C10orf67: variants seen among roughly 807,000 people sequenced by gnomAD.
C10orf67 encodes chromosome 10 open reading frame 67, also known as uncharacterized protein C10orf67, mitochondrial.
C10orf67 carries 60 observed loss-of-function variants against 35.6 expected under a neutral mutation model. That is an observed-to-expected ratio of 1.68 (90% CI 1.37 to 2.09). The LOEUF (loss-of-function observed/expected upper bound fraction) is 2.09. Among genes scored for constraint, C10orf67 ranks in the 30% most tolerant of loss-of-function variants. C10orf67 has a pLI of 0.00. For synonymous variants in C10orf67, 167 were observed against 115.8 expected (o/e 1.44, Z -2.84); for missense variants, 474 against 330.2 (o/e 1.44, Z -3.38).
intron 15 of C10orf67, among the ~76,000 whole-genome samples, chr10:23,214,256 A>C (rs1358472262): frequency 6.6e-6 from 1 of 152,196 alleles, no homozygotes; most frequent in Non-Finnish European, 1.5e-5. Context: ...AAAACATAAG[A>C]GATTAGGCAT....
At chr10:23,276,220 G>A (rs1198396449) in intron 8 of C10orf67, among the ~76,000 whole-genome samples, 1 of 152,114 alleles carries the variant, frequency 6.6e-6, no homozygotes, top group East Asian at 1.9e-4. Context: ...CTCTGAGGAG[G>A]GAAGGAACCT....
At chr10:23,318,128 C>T (rs972640287) in intron 4 of C10orf67, 1 of 117,108 alleles carries the variant, frequency 8.5e-6, no homozygotes, top group Non-Finnish European at 1.7e-5. Flanking sequence ...AAAAAAGACC[C>T]AAAAATAAAA....
intron 1 of C10orf67, among the ~76,000 whole-genome samples, chr10:23,336,298 C>T (rs919235482): frequency 1.3e-4 from 20 of 151,984 alleles, no homozygotes; most frequent in Non-Finnish European, 2.4e-4. Context: ...GGTATGAATG[C>T]GTACTTTTAT....
intron 12 of C10orf67, among the ~76,000 whole-genome samples, chr10:23,248,603 G>A (rs1842372912): frequency 6.6e-6 from 1 of 152,094 alleles, no homozygotes; most frequent in Admixed American, 6.5e-5. Context: ...TCTAATCTAG[G>A]ATCAGTTACA....
intron 8 of C10orf67, among the ~76,000 whole-genome samples, chr10:23,275,982 T>C (rs951342442): frequency 6.6e-6 from 1 of 152,206 alleles, no homozygotes; most frequent in African/African-American, 2.4e-5. Context: ...TTGGAGTTGA[T>C]ACATGAACTT....
chr10:23,305,333 A>G (rs984665384), intron 4 of C10orf67, among the ~76,000 whole-genome samples: 4 of 152,192 alleles, frequency 2.6e-5, no homozygotes, highest in Non-Finnish European at 4.4e-5. Context: ...ACAAAATTAG[A>G]AGTTTAATAA....
chr10:23,325,640 C>T (rs1473955355), intron 2 of C10orf67, among the ~76,000 whole-genome samples: 1 of 148,718 alleles, frequency 6.7e-6, no homozygotes, highest in Admixed American at 6.7e-5. Context: ...ATAACATCCA[C>T]ACTGTCCACA....
rs1842918074 is a variant in C10orf67, at chr10:23,267,588, A to T, written c.976-334T>A. On this transcript the variant is annotated intron_variant, in intron 8 of 15. Coordinates refer to ENST00000636213, the MANE Select transcript of C10orf67 (RefSeq NM_001371909.1). Reference sequence around the variant, plus strand: ...TGATACATTAGTATAACAGCTATAAATACTAGGCCTTATTCTTAATATAAG... The same window carrying T: ...TGATACATTAGTATAACAGCTATAATTACTAGGCCTTATTCTTAATATAAG... Among the ~76,000 whole-genome samples, 5 of 152,224 alleles carry T rather than the reference A, an allele frequency of 3.3e-5. No homozygotes were observed. In the South Asian group the frequency reaches 1.0e-3, roughly 32 times the overall value.
chr10:23,263,364 T>C (rs1177634168), intron 10 of C10orf67, among the ~76,000 whole-genome samples: 1 of 152,212 alleles, frequency 6.6e-6, no homozygotes. Context: ...ATTATATACC[T>C]ATAGTAATAA....
At chr10:23,280,144 C>T (rs145214863) in intron 8 of C10orf67, among the ~76,000 whole-genome samples, 58 of 152,330 alleles carry the variant, frequency 3.8e-4, no homozygotes, top group African/African-American at 1.4e-3. Flanking sequence ...CATGAGCTGC[C>T]ACACACAGCC....
intron 15 of C10orf67, 93 bp from the exon 16 acceptor site, chr10:23,204,348 T>C: frequency 2.4e-6 from 1 of 414,308 alleles, no homozygotes; most frequent in African/African-American, 2.1e-5. Flanking sequence ...TTTTGCGTCA[T>C]TTTTTTTAGT....
intron 8 of C10orf67, among the ~76,000 whole-genome samples, chr10:23,269,676 T>A (rs1441843870): frequency 6.6e-6 from 1 of 150,984 alleles, no homozygotes; most frequent in Non-Finnish European, 1.5e-5. Flanking sequence ...TACTGAGAAT[T>A]TAAAAATAAG....
At chr10:23,262,436 G>A (rs144633273) in intron 10 of C10orf67, among the ~76,000 whole-genome samples, 7 of 152,246 alleles carry the variant, frequency 4.6e-5, no homozygotes, top group Admixed American at 1.3e-4. Context: ...CCACCAAGTC[G>A]CTATCATCTG....
At chr10:23,252,260 C>CT (rs1161615984) in intron 10 of C10orf67, among the ~76,000 whole-genome samples, 2 of 151,938 alleles carry the variant, frequency 1.3e-5, no homozygotes, top group Admixed American at 1.3e-4. Context: ...TGCCTATTGC[C>CT]TTTTTTTCAA....
chr10:23,320,886 G>T, intron 3 of C10orf67, 71 bp from the exon 4 acceptor site: 2 of 1,000,334 alleles, frequency 2.0e-6, no homozygotes, highest in Non-Finnish European at 1.5e-6. Context: ...ACTAGGGAGG[G>T]ACTCATAGTA....
intron 4 of C10orf67, among the ~76,000 whole-genome samples, 165 bp downstream of exon 4, chr10:23,320,576 A>G (rs1301581411): frequency 1.3e-5 from 2 of 152,214 alleles, no homozygotes; most frequent in Non-Finnish European, 2.9e-5. Flanking sequence ...TAATGTGAGC[A>G]TAAACAGTCC....
chr10:23,228,467 A>T (rs1390249401), intron 13 of C10orf67, among the ~76,000 whole-genome samples: 1 of 152,220 alleles, frequency 6.6e-6, no homozygotes, highest in Non-Finnish European at 1.5e-5. Flanking sequence ...TAAACGTTAG[A>T]CCTAAAACCA....
At chr10:23,341,587 C>T (rs975076179) in intron 1 of C10orf67, among the ~76,000 whole-genome samples, 3 of 152,184 alleles carry the variant, frequency 2.0e-5, no homozygotes, top group African/African-American at 7.2e-5. Flanking sequence ...CCCCTCATGG[C>T]TTCCCATCTC....
chr10:23,300,778 G>A (rs143259430), intron 5 of C10orf67, among the ~76,000 whole-genome samples: 1 of 152,114 alleles, frequency 6.6e-6, no homozygotes, highest in African/African-American at 2.4e-5. Context: ...TCCCAGTGAG[G>A]GTCTACACTG....
Sources: gnomAD v4.1 joint callset for allele counts (sites outside exome capture counted in the v4.1 genomes callset) on GRCh38, gnomAD v4.1.1 for gene constraint, MANE v1.5 for transcripts, NCBI Gene and HGNC (gene_info 2026-07-23, HGNC 2026-07-21) for gene names.